The following RGPD4 variants were observed in gnomAD, a reference collection of about 807,000 sequenced individuals.
RGPD4 encodes ranBP2-like and GRIP domain-containing protein 4.
In RGPD4, 84 loss-of-function variants were observed where a neutral mutation model predicts 141.1. The observed-to-expected ratio is 0.60, with a 90% CI of 0.50 to 0.71. The LOEUF (loss-of-function observed/expected upper bound fraction) is 0.71. Ranked by LOEUF, RGPD4 falls within the 30% of genes least tolerant of loss-of-function variation. The probability of loss-of-function intolerance (pLI) is 0.00; values close to 1 mark genes in which losing one functional copy is unlikely to be tolerated. For missense variants in RGPD4, 918 were observed against 1,622.4 expected (o/e 0.57, Z 7.46); for synonymous variants, 298 against 566.8 (o/e 0.53, Z 6.74).
At chr2:107,840,347 C>G (rs1261650465) in intron 4 of RGPD4, among the ~76,000 whole-genome samples, 1 of 152,286 alleles carries the variant, frequency 6.6e-6, no homozygotes. Context: ...GAGTCTCGCT[C>G]TGTTGCCCAG....
In RGPD4 at chr2:107,880,920, A is replaced by T. The variant is rs550377972; in HGVS notation, c.5064+813A>T. On this transcript the variant is annotated intron_variant, in intron 21 of 22. Transcript: ENST00000408999. ...GCTCACTGATAAATCACCCCTCAGA[A>T]TATAGTCATACTGCTTGTTGAGGAG... Among the ~76,000 whole-genome samples the T allele has an allele frequency of 4.1e-3, 629 of 151,712 alleles. 10 individuals carry two copies. The highest frequency in any genetic ancestry group is 0.015 in the African/African-American group (607 of 41,092).
At chr2:107,873,270 A>G (rs1345568349) in intron 20 of RGPD4, among the ~76,000 whole-genome samples, 2 of 93,194 alleles carry the variant, frequency 2.1e-5, no homozygotes, top group African/African-American at 9.2e-5. Flanking sequence ...TTCTTTTGTC[A>G]CTCAGAAAAC....
intron 20 of RGPD4, among the ~76,000 whole-genome samples, chr2:107,878,527 G>A (rs868801584): frequency 6.6e-6 from 1 of 151,558 alleles, no homozygotes; most frequent in Middle Eastern, 3.4e-3. Flanking sequence ...TAATTTCACT[G>A]TCTTATTTAA....
chr2:107,886,659 G>C (rs1268181376), intron 22 of RGPD4, among the ~76,000 whole-genome samples: 1 of 152,018 alleles, frequency 6.6e-6, no homozygotes, highest in African/African-American at 2.4e-5. Flanking sequence ...AGTCTGACTG[G>C]TCACACTAGG....
At position 107,891,735 on chromosome 2, in the gene RGPD4, CT is replaced by C; in HGVS notation, c.*1005del. On this transcript the variant is annotated 3_prime_UTR_variant, in exon 23 of 23. Transcript: ENST00000408999. ...CCTCTCCATTTTCCCAAATAAAAAC[CT>C]ATCCCAACAGTGACTATATCACTCA... Among the ~76,000 whole-genome samples, 1 of 123,660 alleles carries C rather than the reference CT, an allele frequency of 8.1e-6. No homozygotes were observed. The highest frequency in any genetic ancestry group is 1.8e-5 in the Non-Finnish European group (1 of 56,322). 81.1% of individuals were successfully genotyped at this position (123,660 alleles called of 152,430 possible).
At chr2:107,884,924 G>C (rs1464414564) in intron 22 of RGPD4, among the ~76,000 whole-genome samples, 2 of 151,512 alleles carry the variant, frequency 1.3e-5, no homozygotes, top group Non-Finnish European at 2.9e-5. Flanking sequence ...TAAGATTCAG[G>C]CTTAATTTTT....
At chr2:107,884,856 T>C (rs1350005196) in intron 22 of RGPD4, among the ~76,000 whole-genome samples, 2 of 152,194 alleles carry the variant, frequency 1.3e-5, no homozygotes, top group Non-Finnish European at 2.9e-5. Context: ...TAGCAATTTG[T>C]TGCTGATACT....
chr2:107,884,891 A>G (rs1178424681), intron 22 of RGPD4, among the ~76,000 whole-genome samples: 243 of 152,082 alleles, frequency 1.6e-3, no homozygotes, highest in African/African-American at 5.6e-3. Context: ...CATACCTTGA[A>G]AACCCCTGGT....
intron 20 of RGPD4, among the ~76,000 whole-genome samples, chr2:107,873,673 A>G (rs1049900807): frequency 1.1e-4 from 17 of 151,968 alleles, no homozygotes; most frequent in Admixed American, 5.2e-4. Context: ...GCAAAGAATG[A>G]AACTACAGGG....
In RGPD4 at chr2:107,840,842, C is replaced by T. The variant is rs1242781175; in HGVS notation, c.405+1878C>T. Among the ~76,000 whole-genome samples, 4 of 70,920 alleles carry T rather than the reference C, an allele frequency of 5.6e-5. 2 individuals are homozygous for T. Among genetic ancestry groups the T allele is most frequent in the Non-Finnish European group, 1.2e-4 (4 of 32,104 alleles). 46.5% of individuals were successfully genotyped at this position (70,920 alleles called of 152,430 possible). A position where few individuals can be genotyped will look rare whatever the true frequency, so the allele number is the denominator to read the frequency against. On this transcript the variant is annotated intron_variant, in intron 4 of 22. Coordinates refer to ENST00000408999, the MANE Select transcript of RGPD4 (RefSeq NM_182588.3). ...TTGGCTCACTGCCACTTCTGCCTCCCGGATTCTCAGGTGATCCACCCACTT... is the reference window on the plus strand; with the variant it reads ...TTGGCTCACTGCCACTTCTGCCTCCTGGATTCTCAGGTGATCCACCCACTT...
intron 22 of RGPD4, among the ~76,000 whole-genome samples, chr2:107,885,839 G>T (rs1167438907): frequency 6.6e-6 from 1 of 151,888 alleles, no homozygotes; most frequent in East Asian, 1.9e-4. Flanking sequence ...GATCACCTGA[G>T]GTCAGGAGTT....
chr2:107,868,659 GA>G (rs1682814781), intron 18 of RGPD4, among the ~76,000 whole-genome samples: 1 of 149,168 alleles, frequency 6.7e-6, no homozygotes, highest in Non-Finnish European at 1.5e-5. Flanking sequence ...TAATTTTTTT[GA>G]CCTGAACATT....
chr2:107,846,288 A>C (rs1417116384), intron 6 of RGPD4, among the ~76,000 whole-genome samples: 1 of 150,548 alleles, frequency 6.6e-6, no homozygotes, highest in East Asian at 2.0e-4. Context: ...GGAAGGTCTC[A>C]ATCTCTTGAC....
At chr2:107,883,087 C>A in intron 22 of RGPD4, 1 of 682,258 alleles carries the variant, frequency 1.5e-6, no homozygotes, top group Non-Finnish European at 2.6e-6. Flanking sequence ...CAGCAAAATA[C>A]AATAAGTGCT....
At position 107,872,094 on chromosome 2, in the gene RGPD4, C is replaced by T. The variant is rs2433705; in HGVS notation, c.4090C>T (p.Leu1364Phe). The T allele has an allele frequency of 5.6e-6, 9 of 1,611,446 alleles. No individual in the cohort carries two copies. The highest frequency in any genetic ancestry group is 5.1e-6 in the Non-Finnish European group (6 of 1,179,836). Residue 1364 changes from leucine to phenylalanine, a missense_variant, in exon 20 of 23, where the codon CTC becomes TTC. By Grantham distance (22) the Leu-to-Phe change is conservative. Transcript: ENST00000408999. ...AGTTGTTTTTAGTCACAGGGCAGAA[C>T]TCTACAGATATGATAAAGATGTTGG... ...EKVVFSHRAE[L>F]YRYDKDVGQW...
intron 22 of RGPD4, among the ~76,000 whole-genome samples, chr2:107,884,503 A>G (rs2104519881): frequency 6.7e-6 from 1 of 148,164 alleles, no homozygotes; most frequent in South Asian, 2.2e-4. Flanking sequence ...GCAGTTCTAT[A>G]TTTGGGTTTT....
chr2:107,849,554 T>C, intron 7 of RGPD4, among the ~76,000 whole-genome samples: 1 of 27,770 alleles, frequency 3.6e-5, no homozygotes, highest in Non-Finnish European at 7.3e-5. Flanking sequence ...GTACTTTTAG[T>C]AGAGACGGGG....
In RGPD4 at chr2:107,890,738, T is replaced by C; in HGVS notation, c.*7T>C. Reference sequence around the variant, plus strand: ...TTCCAAAGGTGAGGAATAAAATGCTTCCCGTTCTTCTGGATGGGCATCCTA... The same window carrying C: ...TTCCAAAGGTGAGGAATAAAATGCTCCCCGTTCTTCTGGATGGGCATCCTA... On this transcript the variant is annotated 3_prime_UTR_variant, in exon 23 of 23. Coordinates refer to ENST00000408999, the MANE Select transcript of RGPD4 (RefSeq NM_182588.3). 1 of 1,604,418 alleles carries C rather than the reference T, an allele frequency of 6.2e-7. No individual in the cohort carries two copies. Among genetic ancestry groups the C allele is most frequent in the Non-Finnish European group, 8.5e-7 (1 of 1,177,556 alleles).
chr2:107,827,272 G>C (rs1413977149), intron 1 of RGPD4, among the ~76,000 whole-genome samples, 187 bp downstream of exon 1: 2 of 131,414 alleles, frequency 1.5e-5, no homozygotes, highest in Non-Finnish European at 3.3e-5. Context: ...AGGCGTCATG[G>C]CTCCCGACGG....
Sources: gnomAD v4.1 joint callset for allele counts (sites outside exome capture counted in the v4.1 genomes callset) on GRCh38, gnomAD v4.1.1 for gene constraint, MANE v1.5 for transcripts, NCBI Gene and HGNC (gene_info 2026-07-23, HGNC 2026-07-21) for gene names.